The following ELP2 variants were observed in gnomAD, a reference collection of about 807,000 sequenced individuals.
ELP2 encodes elongator complex protein 2.
A neutral mutation model predicts 119.2 loss-of-function variants in ELP2; 90 were observed. The ratio of observed to expected loss-of-function variants is 0.75; its 90% CI spans 0.64 to 0.90. ELP2 has a LOEUF of 0.90. ELP2 is among the 40% of genes least tolerant of loss of function. The pLI, the probability that ELP2 is intolerant of heterozygous loss-of-function variation, is 0.00. For synonymous variants in ELP2, 339 were observed against 331.0 expected (o/e 1.02, Z -0.26); for missense variants, 921 against 967.8 (o/e 0.95, Z 0.64).
At chr18:36,156,011 C>T (rs1473156026) in intron 12 of ELP2, among the ~76,000 whole-genome samples, 1 of 152,104 alleles carries the variant, frequency 6.6e-6, no homozygotes, top group Non-Finnish European at 1.5e-5. Flanking sequence ...TAGATAAGAC[C>T]AGTTAATTGC....
chr18:36,157,329 C>T (rs1334707289), intron 13 of ELP2, among the ~76,000 whole-genome samples: 2 of 151,968 alleles, frequency 1.3e-5, no homozygotes, highest in South Asian at 2.1e-4. Flanking sequence ...AGTTGAGTCA[C>T]GAATTTGGTT....
At chr18:36,168,922 T>C (rs1319793716) in intron 19 of ELP2, among the ~76,000 whole-genome samples, 1 of 131,902 alleles carries the variant, frequency 7.6e-6, no homozygotes, top group East Asian at 2.2e-4. Context: ...TCTTTTTTTT[T>C]TTTTTTTTTT....
intron 1 of ELP2, among the ~76,000 whole-genome samples, chr18:36,131,930 C>CTTTTTTTT (rs5823996): frequency 5.0e-5 from 4 of 79,868 alleles, no homozygotes; most frequent in Non-Finnish European, 9.0e-5. Flanking sequence ...GCTGGTCGGG[C>CTTTTTTTT]TTTTTTTTTT....
At chr18:36,146,171 A>G in intron 10 of ELP2, 79 bp from the exon 11 acceptor site, 1 of 1,592,242 alleles carries the variant, frequency 6.3e-7, no homozygotes, top group Non-Finnish European at 8.6e-7. Context: ...GGAATTTAAC[A>G]GTCTCTGGAA....
chr18:36,156,513 GA>G lies in ELP2; in HGVS notation c.1326del (p.Lys442AsnfsTer5). 1 of 1,614,112 alleles carries G rather than the reference GA, an allele frequency of 6.2e-7. No homozygotes were observed. The highest frequency in any genetic ancestry group is 8.5e-7 in the Non-Finnish European group (1 of 1,180,002). On this transcript the variant is annotated frameshift_variant, in exon 13 of 22. Transcript: ENST00000358232. LOFTEE classifies it high-confidence loss of function. ...ARPQIHGYDL[K>X]CLAMINRFQF... Reference sequence around the variant, plus strand: ...GGCCTCAGATACATGGGTATGACCTGAAATGTTTGGCAATGATTAATCGGTT... The same window carrying G: ...GGCCTCAGATACATGGGTATGACCTGAATGTTTGGCAATGATTAATCGGTT...
chr18:36,174,273 T>C lies in ELP2; in HGVS notation c.2325-212T>C, dbSNP rs148184328. 2.0e-5 allele frequency among the ~76,000 whole-genome samples: 3 copies of C among 152,312 alleles called. No homozygotes were observed. The East Asian group carries it at 5.8e-4, about 29-fold the overall frequency. On this transcript the variant is annotated intron_variant, in intron 21 of 21. Coordinates refer to ENST00000358232, the MANE Select transcript of ELP2 (RefSeq NM_018255.4). ...TTCATTGTCTGTGTCTTGCTCATTTTGGTGATGTTATTGCCAGTGAGTAAG... is the reference window on the plus strand; with the variant it reads ...TTCATTGTCTGTGTCTTGCTCATTTCGGTGATGTTATTGCCAGTGAGTAAG...
rs2091306541 is a variant in ELP2 at position 36,180,313 on chromosome 18, G to A, written c.*5672G>A. 6.6e-6 allele frequency: 1 copy of A among 152,228 alleles called. No individual in the cohort carries two copies. Among genetic ancestry groups the A allele is most frequent in the African/African-American group, 2.4e-5 (1 of 41,454 alleles). 9.4% of individuals were successfully genotyped at this position (152,228 alleles called of 1,614,324 possible). On this transcript the variant is annotated 3_prime_UTR_variant, in exon 22 of 22. Coordinates refer to ENST00000358232, the MANE Select transcript of ELP2 (RefSeq NM_018255.4). ...CAGAATTTAGTGTTGTGGCCATACC[G>A]AGCTTCAGGAGAAGCTGGGAAATTA...
chr18:36,141,186 T>G lies in ELP2; in HGVS notation c.573T>G (p.Ala191=). 6.2e-7 allele frequency: 1 copy of G among 1,612,884 alleles called. No individual in the cohort carries two copies. The highest frequency in any genetic ancestry group is 8.5e-7 in the Non-Finnish European group (1 of 1,178,970). Residue 191 remains alanine (A), a synonymous_variant, in exon 6 of 22, where the codon GCT becomes GCG. Coordinates refer to ENST00000358232, the MANE Select transcript of ELP2 (RefSeq NM_018255.4). ...GNDDCRIHIF[A]QQNDQFQKVL... Reference sequence around the variant, plus strand: ...ATGATTGCAGAATTCACATATTTGCTCAACAAAATGATCAGGTAATAATGT... The same window carrying G: ...ATGATTGCAGAATTCACATATTTGCGCAACAAAATGATCAGGTAATAATGT...
chr18:36,166,009 G>A (rs1344869052), intron 18 of ELP2, among the ~76,000 whole-genome samples: 5 of 151,860 alleles, frequency 3.3e-5, no homozygotes, highest in Admixed American at 1.3e-4. Context: ...GGCCAATATG[G>A]TGAAACCCCA....
intron 9 of ELP2, among the ~76,000 whole-genome samples, chr18:36,145,633 AC>A (rs2090172136): frequency 6.6e-6 from 1 of 152,186 alleles, no homozygotes. Flanking sequence ...AATTTAAAAA[AC>A]AAAAAAAATT....
intron 17 of ELP2, among the ~76,000 whole-genome samples, chr18:36,162,942 G>A (rs1223918472): frequency 1.3e-5 from 2 of 151,862 alleles, no homozygotes; most frequent in African/African-American, 4.8e-5. Context: ...ATAGATTTAG[G>A]GGTACAAGTG....
In ELP2 at chr18:36,176,308, C is replaced by G. The variant is rs2091221850; in HGVS notation, c.*1667C>G. The G allele has an allele frequency of 6.6e-6, 1 of 152,164 alleles. No homozygotes were observed. Among genetic ancestry groups the G allele is most frequent in the Non-Finnish European group, 1.5e-5 (1 of 68,074 alleles). 9.4% of individuals were successfully genotyped at this position (152,164 alleles called of 1,614,324 possible). ...GGGGTGGGGTGTGTGTGCGTGTATACCAAGGCAGTGAGCATCTGAGCTTTG... is the reference window on the plus strand; with the variant it reads ...GGGGTGGGGTGTGTGTGCGTGTATAGCAAGGCAGTGAGCATCTGAGCTTTG... On this transcript the variant is annotated 3_prime_UTR_variant, in exon 22 of 22. Coordinates refer to ENST00000358232, the MANE Select transcript of ELP2 (RefSeq NM_018255.4).
In ELP2 at chr18:36,145,003, T is replaced by C. The variant is rs1473995021; in HGVS notation, c.861T>C (p.Asn287=). 1.3e-5 allele frequency: 21 copies of C among 1,613,840 alleles called. No homozygotes were observed. The highest frequency in any genetic ancestry group is 1.7e-5 in the Non-Finnish European group (20 of 1,179,864). ...TVLAGHENWV[N]AVHWQPVFYK... Reference sequence around the variant, plus strand: ...TAGCCGGTCATGAAAACTGGGTAAATGCAGTTCACTGGCAACCTGTGTTTT... The same window carrying C: ...TAGCCGGTCATGAAAACTGGGTAAACGCAGTTCACTGGCAACCTGTGTTTT... The change falls in exon 9 of 22, where the codon AAT becomes AAC. Residue 287 remains asparagine (N), a synonymous_variant. Transcript: ENST00000358232.
chr18:36,141,833 G>A (rs1397288454), intron 6 of ELP2, among the ~76,000 whole-genome samples: 1 of 151,818 alleles, frequency 6.6e-6, no homozygotes, highest in African/African-American at 2.4e-5. Flanking sequence ...TGAGACCACA[G>A]GCGTGTATCA....
At chr18:36,163,773 C>T (rs1286255135) in intron 17 of ELP2, among the ~76,000 whole-genome samples, 1 of 152,086 alleles carries the variant, frequency 6.6e-6, no homozygotes, top group Non-Finnish European at 1.5e-5. Context: ...GGGTCTGTTC[C>T]GTAGACTTTA....
chr18:36,151,942 C>T (rs1442910236), intron 11 of ELP2, among the ~76,000 whole-genome samples: 7 of 143,856 alleles, frequency 4.9e-5, no homozygotes, highest in Non-Finnish European at 1.1e-4. Flanking sequence ...TTAGGAGAGA[C>T]GGAGTTTCAC....
At chr18:36,131,027 A>G (rs1322737798) in intron 1 of ELP2, among the ~76,000 whole-genome samples, 2 of 151,642 alleles carry the variant, frequency 1.3e-5, no homozygotes, top group East Asian at 1.9e-4. Context: ...AAAAAAAAAT[A>G]GCTGGTTGTG....
chr18:36,152,012 A>C (rs1485344559), intron 11 of ELP2, among the ~76,000 whole-genome samples: 3 of 151,502 alleles, frequency 2.0e-5, no homozygotes, highest in Admixed American at 6.6e-5. Flanking sequence ...CAGCCTCCCA[A>C]AGTGCTGGGA....
In ELP2 at chr18:36,142,340, A is replaced by C; in HGVS notation, c.648A>C (p.Ala216=). Residue 216 remains alanine, a synonymous_variant, in exon 7 of 22, where the codon GCA becomes GCC. Transcript: ENST00000358232. The part of the protein sequence containing the change: ...HEDWIRGVEW[A]AFGRDLFLAS... ...ATTGGATTAGAGGAGTGGAATGGGC[A>C]GCCTTTGGTCAGTATGAAATTTTGC... 1 of 1,613,946 alleles carries C rather than the reference A, an allele frequency of 6.2e-7. No individual in the cohort carries two copies. Among genetic ancestry groups the C allele is most frequent in the Non-Finnish European group, 8.5e-7 (1 of 1,179,844 alleles).
Sources: allele counts gnomAD v4.1 joint callset (sites outside exome capture counted in the v4.1 genomes callset), GRCh38; gene constraint gnomAD v4.1.1; transcripts MANE v1.5; gene names NCBI Gene and HGNC (gene_info 2026-07-23, HGNC 2026-07-21).